The following LRBA variants were observed in gnomAD, a reference collection of about 807,000 sequenced individuals.
LRBA encodes the protein lipopolysaccharide-responsive and beige-like anchor protein.
A neutral mutation model predicts 330.0 loss-of-function variants in LRBA; 176 were observed. That is an observed-to-expected ratio of 0.53 (90% CI 0.47 to 0.60). The LOEUF is 0.60. Among genes scored for constraint, LRBA ranks in the 20% least tolerant of loss-of-function variants. LRBA has a pLI of 0.00. For synonymous variants in LRBA, 1,230 were observed against 1,193.0 expected (o/e 1.03, Z -0.64); for missense variants, 3,259 against 3,444.8 (o/e 0.95, Z 1.35).
chr4:150,960,219 A>G (rs1737994267), intron 2 of LRBA, among the ~76,000 whole-genome samples: 1 of 149,238 alleles, frequency 6.7e-6, no homozygotes, highest in African/African-American at 2.6e-5. Context: ...AACAGCTGAT[A>G]ACATTATAAA....
At chr4:150,396,480 T>TCACACACACACACACACACACACA (rs10641158) in intron 47 of LRBA, among the ~76,000 whole-genome samples, 23 of 145,774 alleles carry the variant, frequency 1.6e-4, no homozygotes, top group African/African-American at 4.3e-4. Flanking sequence ...AAATCTCATC[T>TCACACACACACACACACACACACA]CACACACACA....
rs371330298 is a variant in LRBA, at chr4:150,444,008, T to C, written c.6781-7144A>G. Among the ~76,000 whole-genome samples, 24 of 151,182 alleles carry C rather than the reference T, an allele frequency of 1.6e-4. 1 individual carries two copies. The highest frequency in any genetic ancestry group is 1.2e-3 in the East Asian group (6 of 5,146). On this transcript the variant is annotated intron_variant, in intron 44 of 56. Transcript: ENST00000651943. ...CCTTTCATGGGAGCTTTAGATTAAA[T>C]GCTCTTTTGAAAAAATACTATTAAA...
At chr4:150,822,576 G>A (rs574683124) in intron 30 of LRBA, among the ~76,000 whole-genome samples, 91 of 152,142 alleles carry the variant, frequency 6.0e-4, no homozygotes, top group African/African-American at 2.1e-3. Context: ...GCACCAGCCT[G>A]GGCAACAGAG....
intron 28 of LRBA, among the ~76,000 whole-genome samples, chr4:150,837,111 G>A (rs1444610355): frequency 1.3e-5 from 2 of 152,216 alleles, no homozygotes; most frequent in Non-Finnish European, 2.9e-5. Flanking sequence ...GGTTTTGAGT[G>A]AGTTTCTTAA....
chr4:150,529,679 G>GCCACTGCACTC (rs1763848548), intron 40 of LRBA, among the ~76,000 whole-genome samples: 1 of 150,832 alleles, frequency 6.6e-6, no homozygotes, highest in African/African-American at 2.4e-5. Flanking sequence ...CCGAGATCAT[G>GCCACTGCACTC]CCACTGCACT....
At chr4:150,723,843 G>A (rs1582152761) in intron 36 of LRBA, among the ~76,000 whole-genome samples, 1 of 152,140 alleles carries the variant, frequency 6.6e-6, no homozygotes, top group South Asian at 2.1e-4. Context: ...CCTAAAGAGC[G>A]AGTCTCAGGC....
chr4:150,622,688 C>CTTTTT (rs10528461), intron 37 of LRBA, among the ~76,000 whole-genome samples: 7 of 105,642 alleles, frequency 6.6e-5, no homozygotes, highest in African/African-American at 2.5e-4. Context: ...CTAAATCAAT[C>CTTTTT]TTTTTTTTTT....
At chr4:150,972,224 A>G (rs1423722891) in intron 2 of LRBA, among the ~76,000 whole-genome samples, 1 of 152,146 alleles carries the variant, frequency 6.6e-6, no homozygotes, top group Non-Finnish European at 1.5e-5. Context: ...ATATATCCTA[A>G]AAAGTTAACA....
intron 40 of LRBA, among the ~76,000 whole-genome samples, chr4:150,532,581 T>C (rs1025752265): frequency 1.3e-5 from 2 of 152,076 alleles, no homozygotes; most frequent in Non-Finnish European, 2.9e-5. Flanking sequence ...AATTTATGAA[T>C]TGGTATATTA....
intron 47 of LRBA, among the ~76,000 whole-genome samples, chr4:150,399,551 A>AGAT (rs1402479459): frequency 1.3e-5 from 2 of 152,186 alleles, no homozygotes; most frequent in Non-Finnish European, 2.9e-5. Flanking sequence ...GGTGAAAATG[A>AGAT]GATGCTGAGC....
At chr4:150,315,698 A>C in intron 50 of LRBA, 75 bp from the exon 51 acceptor site, 1 of 873,018 alleles carries the variant, frequency 1.1e-6, no homozygotes, top group Non-Finnish European at 1.7e-6. Context: ...CATAAGTCAA[A>C]CCTTATGTAG....
intron 28 of LRBA, among the ~76,000 whole-genome samples, chr4:150,835,682 C>A (rs1038052914): frequency 6.6e-6 from 1 of 152,120 alleles, no homozygotes; most frequent in African/African-American, 2.4e-5. Flanking sequence ...AGTTGCTTAT[C>A]AGCTTAAGGA....
In LRBA at chr4:150,489,054, TAAGA is replaced by T. The variant is rs1184062490; in HGVS notation, c.6449-1224_6449-1221del. 3.5e-5 allele frequency among the ~76,000 whole-genome samples: 4 copies of T among 113,516 alleles called. No individual in the cohort carries two copies. In the South Asian group the frequency reaches 9.6e-4, roughly 27 times the overall value. The allele number at this position is 113,516 out of a possible 152,430, so 74.5% of individuals were successfully genotyped here. The stretch of plus-strand genomic sequence containing the variant: ...TATATTATATATAATATATTATATA[TAAGA>T]ATATATAATATATTATATATAATAT... On this transcript the variant is annotated intron_variant, in intron 41 of 56. Coordinates refer to ENST00000651943, the MANE Select transcript of LRBA (RefSeq NM_001364905.1).
intron 43 of LRBA, among the ~76,000 whole-genome samples, chr4:150,470,663 C>T (rs1278692766): frequency 6.6e-6 from 1 of 152,098 alleles, no homozygotes; most frequent in Non-Finnish European, 1.5e-5. Context: ...ATTAATTGCA[C>T]CACCATTTTC....
intron 36 of LRBA, among the ~76,000 whole-genome samples, chr4:150,688,246 G>C (rs551079484): frequency 1.3e-5 from 2 of 152,302 alleles, no homozygotes; most frequent in Admixed American, 6.5e-5. Context: ...AAACTGGCTA[G>C]CCATATGCAG....
intron 36 of LRBA, among the ~76,000 whole-genome samples, chr4:150,691,843 T>C (rs1784167181): frequency 6.6e-6 from 1 of 152,062 alleles, no homozygotes; most frequent in African/African-American, 2.4e-5. Context: ...TAATTCAACT[T>C]AGTATTTAAA....
chr4:150,540,477 G>A (rs2152223090), intron 40 of LRBA, among the ~76,000 whole-genome samples: 1 of 152,300 alleles, frequency 6.6e-6, no homozygotes, highest in East Asian at 1.9e-4. Context: ...ATACAGGCAT[G>A]AGCCACCAGC....
chr4:150,798,871 C>T (rs764259227), intron 33 of LRBA, among the ~76,000 whole-genome samples: 8 of 152,094 alleles, frequency 5.3e-5, no homozygotes, highest in Non-Finnish European at 8.8e-5. Flanking sequence ...TATTAAATTG[C>T]ATTACTAGTA....
intron 42 of LRBA, among the ~76,000 whole-genome samples, chr4:150,486,286 C>T (rs1198318372): frequency 6.6e-6 from 1 of 151,768 alleles, no homozygotes; most frequent in Non-Finnish European, 1.5e-5. Context: ...GGTGGGTTTC[C>T]TCTAGGTAGC....
Sources: allele counts gnomAD v4.1 joint callset (sites outside exome capture counted in the v4.1 genomes callset), GRCh38; gene constraint gnomAD v4.1.1; transcripts MANE v1.5; gene names NCBI Gene and HGNC (gene_info 2026-07-23, HGNC 2026-07-21).